Variants in PVR observed in about 807,000 individuals in gnomAD.
PVR encodes the protein poliovirus receptor.
Under a neutral mutation model 43.3 loss-of-function variants are expected in PVR, and 39 were observed. The observed-to-expected ratio is 0.90, with a 90% CI of 0.70 to 1.18. PVR has a LOEUF of 1.18. Among genes scored for constraint, PVR ranks in the 50% most tolerant of loss-of-function variants. PVR has a pLI of 0.00. For missense variants in PVR, 480 were observed against 549.7 expected (o/e 0.87, Z 1.27); for synonymous variants, 224 against 233.2 (o/e 0.96, Z 0.36).
At position 44,647,485 on chromosome 19, in the gene PVR, CG is replaced by C; in HGVS notation, c.343del (p.Val115Ter). On this transcript the variant is annotated frameshift_variant, in exon 2 of 8. Transcript: ENST00000425690. LOFTEE classifies it high-confidence loss of function. ...NASLRMFGLRVEDEGNYTCLF... is the reference protein window; with the variant it reads ...NASLRMFGLRXEDEGNYTCLF... ...CCTCGCTGAGGATGTTCGGGTTGCG[CG>C]TAGAGGATGAAGGCAACTACACCTG... The C allele has an allele frequency of 6.2e-7, 1 of 1,614,038 alleles. No individual in the cohort carries two copies. The highest frequency in any genetic ancestry group is 8.5e-7 in the Non-Finnish European group (1 of 1,179,996).
intron 4 of PVR, 27 bp from the exon 5 acceptor site, chr19:44,657,735 A>G: frequency 1.2e-6 from 2 of 1,613,016 alleles, no homozygotes; most frequent in Non-Finnish European, 1.7e-6. Flanking sequence ...AGCAGAGGCC[A>G]CCTCCTCACC....
In PVR at chr19:44,663,862, C is replaced by A. The variant is rs1973645932; in HGVS notation, c.*2051C>A. On this transcript the variant is annotated 3_prime_UTR_variant, in exon 8 of 8. Coordinates refer to ENST00000425690, the MANE Select transcript of PVR (RefSeq NM_006505.5). ...CTCTAACTCCGGGGCTCAAGCAATCCTCCCACCTCAGCCTACCAAGTAGCT... is the reference window on the plus strand; with the variant it reads ...CTCTAACTCCGGGGCTCAAGCAATCATCCCACCTCAGCCTACCAAGTAGCT... Among the ~76,000 whole-genome samples, 1 of 151,976 alleles carries A rather than the reference C, an allele frequency of 6.6e-6. No homozygotes were observed. The highest frequency in any genetic ancestry group is 1.9e-4 in the East Asian group (1 of 5,166).
chr19:44,661,632 G>T (rs1057064854), intron 7 of PVR, 108 bp from the exon 8 acceptor site: 3 of 998,326 alleles, frequency 3.0e-6, no homozygotes, highest in African/African-American at 3.2e-5. Flanking sequence ...CTTCCAGGGA[G>T]AGAGGAGGGG....
Position 44,644,597 on chromosome 19 carries a change from G to A in PVR, c.79+422G>A, listed in dbSNP as rs1181406752. Among the ~76,000 whole-genome samples the A allele has an allele frequency of 2.0e-5, 3 of 152,180 alleles. No homozygotes were observed. In the East Asian group the frequency reaches 5.8e-4, roughly 29 times the overall value. On this transcript the variant is annotated intron_variant, in intron 1 of 7. Transcript: ENST00000425690. ...AACCCAGCAGCGTGCTGGCAGGCTG[G>A]GTCTGGACGGAGGGGATGGTTGATG...
chr19:44,648,684 C>A (rs10420920), intron 2 of PVR, among the ~76,000 whole-genome samples: 10 of 151,556 alleles, frequency 6.6e-5, no homozygotes, highest in Middle Eastern at 3.4e-3. Context: ...GTTTTCTTTT[C>A]TTTTTAAGCT....
chr19:44,657,723 G>T (rs900397778), intron 4 of PVR, 39 bp from the exon 5 acceptor site: 1 of 1,610,464 alleles, frequency 6.2e-7, no homozygotes, highest in Non-Finnish European at 8.5e-7. Flanking sequence ...CTCCGGACCT[G>T]CAGCAGAGGC....
At chr19:44,654,464 G>A (rs1006183958) in intron 4 of PVR, among the ~76,000 whole-genome samples, 3 of 152,350 alleles carry the variant, frequency 2.0e-5, no homozygotes, top group East Asian at 1.9e-4. Context: ...CGGTTGAGGC[G>A]TTTAGCAGGT....
Position 44,653,853 on chromosome 19 carries a change from C to T in PVR, c.725-47C>T, listed in dbSNP as rs567798730. On this transcript the variant is annotated intron_variant, in intron 3 of 7. Transcript: ENST00000425690. ...TCGTGAATCCCGCGTAGCCCCAGGC[C>T]CCCCAAAGCCTCCCAGTCTCTGAAC... 21 of 1,343,522 alleles carry T rather than the reference C, an allele frequency of 1.6e-5. 1 individual carries two copies. The highest frequency in any genetic ancestry group is 1.3e-4 in the South Asian group (11 of 85,656). The allele number at this position is 1,343,522 out of a possible 1,614,324, so 83.2% of individuals were successfully genotyped here. A position where few individuals can be genotyped will look rare whatever the true frequency, so the allele number is the denominator to read the frequency against.
In PVR at chr19:44,652,346, G is replaced by A. The variant is rs151266784; in HGVS notation, c.725-1554G>A. On this transcript the variant is annotated intron_variant, in intron 3 of 7. Coordinates refer to ENST00000425690, the MANE Select transcript of PVR (RefSeq NM_006505.5). ...CCTGAGTAGCTGGGACTACAGGCGT[G>A]TGACACCATGCCTAGCTAATTTTTG... 5.1e-4 allele frequency among the ~76,000 whole-genome samples: 77 copies of A among 151,898 alleles called. No homozygotes were observed. The East Asian group carries it at 0.014, about 28-fold the overall frequency.
intron 4 of PVR, 67 bp from the exon 5 acceptor site, chr19:44,657,695 C>G (rs778878837): frequency 9.2e-5 from 142 of 1,543,270 alleles, no homozygotes; most frequent in Non-Finnish European, 1.2e-4. Flanking sequence ...GCACGTAGTG[C>G]GTGCTCAATC....
chr19:44,647,463 C>T lies in PVR; in HGVS notation c.320C>T (p.Ser107Leu). The T allele has an allele frequency of 6.2e-7, 1 of 1,614,074 alleles. No individual in the cohort carries two copies. The highest frequency in any genetic ancestry group is 1.7e-5 in the Admixed American group (1 of 60,012). The part of the protein sequence containing the change: ...ARLGAELRNA[S>L]LRMFGLRVED... ...CTGGGCGCGGAGCTGCGGAATGCCT[C>T]GCTGAGGATGTTCGGGTTGCGCGTA... The change falls in exon 2 of 8, where the codon TCG becomes TTG. Residue 107 changes from serine (S) to leucine (L), a missense_variant. Physicochemically the swap from Ser to Leu is moderately radical, Grantham distance 145. Coordinates refer to ENST00000425690, the MANE Select transcript of PVR (RefSeq NM_006505.5).
chr19:44,660,429 C>G (rs1158642883), intron 6 of PVR, among the ~76,000 whole-genome samples: 1 of 152,140 alleles, frequency 6.6e-6, no homozygotes, highest in Non-Finnish European at 1.5e-5. Context: ...AAGCCACATA[C>G]TGAGTATGTA....
intron 1 of PVR, among the ~76,000 whole-genome samples, chr19:44,644,445 C>T (rs536823151): frequency 3.5e-4 from 54 of 152,256 alleles, no homozygotes; most frequent in Non-Finnish European, 6.3e-4. Flanking sequence ...CCTCTGGGCC[C>T]CTCGGAAAGG....
Position 44,661,731 on chromosome 19 carries a change from C to T in PVR, c.1183-9C>T. ...GCCCCAAGGCTAAAATTTGAAAACCCTCTTCTAGCATGTCTCCTATTCAGC... is the reference window on the plus strand; with the variant it reads ...GCCCCAAGGCTAAAATTTGAAAACCTTCTTCTAGCATGTCTCCTATTCAGC... On this transcript the variant is annotated splice_polypyrimidine_tract_variant and intron_variant, in intron 7 of 7. Coordinates refer to ENST00000425690, the MANE Select transcript of PVR (RefSeq NM_006505.5). 6.2e-7 allele frequency: 1 copy of T among 1,613,686 alleles called. No homozygotes were observed. The highest frequency in any genetic ancestry group is 8.5e-7 in the Non-Finnish European group (1 of 1,179,666).
chr19:44,655,886 T>TC (rs1187173813), intron 4 of PVR, among the ~76,000 whole-genome samples: 1 of 149,442 alleles, frequency 6.7e-6, no homozygotes, highest in Non-Finnish European at 1.5e-5. Context: ...TTTTTTTTTT[T>TC]TGAGGCAGGG....
chr19:44,646,950 G>A (rs1300722080), intron 1 of PVR, among the ~76,000 whole-genome samples: 1 of 152,170 alleles, frequency 6.6e-6, no homozygotes, highest in Non-Finnish European at 1.5e-5. Flanking sequence ...TGAGATTCAG[G>A]GAAATACGGT....
intron 6 of PVR, 149 bp downstream of exon 6, chr19:44,659,049 C>T (rs987103799): frequency 4.6e-6 from 3 of 657,240 alleles, no homozygotes; most frequent in Admixed American, 3.0e-5. Flanking sequence ...GAGCCTTGTT[C>T]ACTGGTTCAT....
At chr19:44,657,941 G>T in intron 5 of PVR, 31 bp downstream of exon 5, 1 of 1,609,332 alleles carries the variant, frequency 6.2e-7, no homozygotes, top group Non-Finnish European at 8.5e-7. Context: ...GAAGAACAGG[G>T]ACCAAAGGAA....
At chr19:44,652,683 A>G (rs976966922) in intron 3 of PVR, among the ~76,000 whole-genome samples, 5 of 150,524 alleles carry the variant, frequency 3.3e-5, no homozygotes, top group African/African-American at 9.8e-5. Flanking sequence ...CACCCGGCCT[A>G]TTTTTATTTT....
Sources: allele counts gnomAD v4.1 joint callset (sites outside exome capture counted in the v4.1 genomes callset), GRCh38; gene constraint gnomAD v4.1.1; transcripts MANE v1.5; gene names NCBI Gene and HGNC (gene_info 2026-07-23, HGNC 2026-07-21).